CEP135: variants seen among roughly 807,000 people sequenced by gnomAD.
CEP135 encodes the protein centrosomal protein 135, also known as centrosomal protein of 135 kDa.
A neutral mutation model predicts 157.3 loss-of-function variants in CEP135; 142 were observed. The observed-to-expected ratio is 0.90, with a 90% CI of 0.79 to 1.04. The LOEUF is 1.04. CEP135 is among the 50% of genes least tolerant of loss of function. CEP135 has a pLI of 0.00. For synonymous variants in CEP135, 396 were observed against 439.8 expected (o/e 0.90, Z 1.25); for missense variants, 1,317 against 1,309.2 (o/e 1.01, Z -0.09).
intron 8 of CEP135, among the ~76,000 whole-genome samples, chr4:55,968,538 C>T (rs915813777): frequency 1.3e-5 from 2 of 152,160 alleles, no homozygotes; most frequent in Non-Finnish European, 2.9e-5. Context: ...TATCTCATCC[C>T]TCTCTTTTTC....
rs1730891066 is a variant in CEP135, at chr4:56,019,369, A to G, written c.3029A>G (p.Glu1010Gly). The change falls in exon 23 of 26, where the codon GAA (glutamate) becomes GGA (glycine). Residue 1010 changes from glutamate (E) to glycine (G), a missense_variant. Glu to Gly is a moderately conservative substitution (Grantham distance 98). Transcript: ENST00000257287. ...TTCACGTAGGTTGTGGTGGAATTAG[A>G]AAATGTAAAGTCAGAGTCAGACCTA... The part of the protein sequence containing the change: ...LEFERVVVEL[E>G]NVKSESDLLK... 6 of 1,610,978 alleles carry G rather than the reference A, an allele frequency of 3.7e-6. No homozygotes were observed. Among genetic ancestry groups the G allele is most frequent in the Non-Finnish European group, 5.1e-6 (6 of 1,179,198 alleles).
intron 25 of CEP135, among the ~76,000 whole-genome samples, chr4:56,027,013 C>T (rs1731178893): frequency 6.6e-6 from 1 of 152,176 alleles, no homozygotes; most frequent in Non-Finnish European, 1.5e-5. Context: ...CGTACTGATG[C>T]CCTCAAGTTT....
At chr4:55,974,643 A>G in intron 10 of CEP135, 103 bp from the exon 11 acceptor site, 1 of 818,524 alleles carries the variant, frequency 1.2e-6, no homozygotes. Context: ...ACAGTTCATG[A>G]TTTCTAGTAG....
At position 56,011,968 on chromosome 4, in the gene CEP135, G is replaced by C. The variant is rs1141987; in HGVS notation, c.2785G>C (p.Glu929Gln). 1 of 1,543,044 alleles carries C rather than the reference G, an allele frequency of 6.5e-7. No individual in the cohort carries two copies. Among genetic ancestry groups the C allele is most frequent in the Non-Finnish European group, 8.7e-7 (1 of 1,148,740 alleles). Residue 929 changes from glutamate (E) to glutamine (Q), a missense_variant, in exon 21 of 26, where the codon GAA becomes CAA. Transcript: ENST00000257287. ...RHLRERVELLEKEIQEHINAH... is the reference protein window; with the variant it reads ...RHLRERVELLQKEIQEHINAH... ...TCTTCGAGAAAGAGTGGAGCTATTA[G>C]AAAAAGAAATTCAAGAGGTAATATA... is the stretch of plus-strand genomic sequence containing the variant.
chr4:55,971,598 G>A (rs1436845875), intron 10 of CEP135, among the ~76,000 whole-genome samples, 190 bp downstream of exon 10: 2 of 152,072 alleles, frequency 1.3e-5, no homozygotes, highest in Non-Finnish European at 2.9e-5. Flanking sequence ...GAATTTTTAT[G>A]TTTTGGCTAG....
intron 21 of CEP135, among the ~76,000 whole-genome samples, chr4:56,015,845 G>A (rs544603101): frequency 6.6e-6 from 1 of 152,296 alleles, no homozygotes; most frequent in Admixed American, 6.5e-5. Context: ...TAGAATGTTA[G>A]GATGGAGTGA....
intron 1 of CEP135, among the ~76,000 whole-genome samples, chr4:55,951,273 C>T (rs1194096106): frequency 6.6e-6 from 1 of 152,082 alleles, no homozygotes; most frequent in East Asian, 1.9e-4. Context: ...AATAAAATCA[C>T]AGGGTTATAG....
At chr4:56,024,382 T>G in intron 24 of CEP135, 119 bp from the exon 25 acceptor site, 4 of 622,920 alleles carry the variant, frequency 6.4e-6, no homozygotes. Flanking sequence ...AGGATTTAAA[T>G]TTAATAGTAA....
At chr4:55,992,400 G>A (rs1026761135) in intron 15 of CEP135, among the ~76,000 whole-genome samples, 2 of 152,100 alleles carry the variant, frequency 1.3e-5, no homozygotes, top group African/African-American at 4.8e-5. Context: ...CAGATCATTT[G>A]TATTTCATAG....
chr4:55,966,782 C>A (rs1490224117), intron 8 of CEP135, among the ~76,000 whole-genome samples: 1 of 152,098 alleles, frequency 6.6e-6, no homozygotes, highest in African/African-American at 2.4e-5. Context: ...CCATGCCTGG[C>A]CACCAAGAAT....
At chr4:56,000,378 G>A (rs1171674847) in intron 17 of CEP135, among the ~76,000 whole-genome samples, 5 of 151,992 alleles carry the variant, frequency 3.3e-5, no homozygotes, top group Non-Finnish European at 7.4e-5. Flanking sequence ...GTTTTGAAAT[G>A]TGCGCTGGAT....
At chr4:55,979,579 A>G (rs1729331281) in intron 11 of CEP135, among the ~76,000 whole-genome samples, 1 of 152,192 alleles carries the variant, frequency 6.6e-6, no homozygotes. Context: ...GAAATGTGCT[A>G]GGCTGTTACA....
At chr4:55,970,599 T>C (rs529250291) in intron 9 of CEP135, among the ~76,000 whole-genome samples, 2 of 152,338 alleles carry the variant, frequency 1.3e-5, no homozygotes, top group African/African-American at 4.8e-5. Context: ...ATGTTGGATG[T>C]GATTCATAAT....
intron 14 of CEP135, among the ~76,000 whole-genome samples, chr4:55,990,865 A>C (rs1272345872): frequency 6.6e-6 from 1 of 152,178 alleles, no homozygotes; most frequent in Non-Finnish European, 1.5e-5. Flanking sequence ...CCTACTTCCC[A>C]AAAATGCTAT....
chr4:55,954,066 G>C, intron 3 of CEP135, 150 bp from the exon 4 acceptor site: 1 of 611,964 alleles, frequency 1.6e-6, no homozygotes, highest in Non-Finnish European at 2.7e-6. Context: ...GTTAATAATA[G>C]TAGAAGAAGG....
chr4:55,998,395 C>G (rs537539493), intron 15 of CEP135, among the ~76,000 whole-genome samples: 15 of 152,168 alleles, frequency 9.9e-5, no homozygotes, highest in Non-Finnish European at 1.8e-4. Context: ...TCCTACTGAT[C>G]AGTAACAGAT....
At chr4:55,949,941 C>T (rs373018070) in intron 1 of CEP135, among the ~76,000 whole-genome samples, 10 of 152,302 alleles carry the variant, frequency 6.6e-5, no homozygotes, top group African/African-American at 2.4e-4. Context: ...GGTATTATCT[C>T]TGGGTAACTG....
At chr4:55,954,935 G>A (rs1450962509) in intron 4 of CEP135, among the ~76,000 whole-genome samples, 1 of 152,156 alleles carries the variant, frequency 6.6e-6, no homozygotes, top group African/African-American at 2.4e-5. Context: ...ACAAAAATTA[G>A]CTGGGCATGG....
In CEP135 at chr4:56,017,632, C is replaced by A; in HGVS notation, c.2803-16C>A. 6.5e-7 allele frequency: 1 copy of A among 1,546,606 alleles called. No individual in the cohort carries two copies. Among genetic ancestry groups the A allele is most frequent in the Non-Finnish European group, 8.7e-7 (1 of 1,147,882 alleles). ...GGTTATTTTAACTTTTTACTTGTTT[C>A]TTTTTCTTTTTTCAGCACATAAATG... is the stretch of plus-strand genomic sequence containing the variant. On this transcript the variant is annotated splice_polypyrimidine_tract_variant and intron_variant, in intron 21 of 25. Coordinates refer to ENST00000257287, the MANE Select transcript of CEP135 (RefSeq NM_025009.5).
Sources: allele counts gnomAD v4.1 joint callset (sites outside exome capture counted in the v4.1 genomes callset), GRCh38; gene constraint gnomAD v4.1.1; transcripts MANE v1.5; gene names NCBI Gene and HGNC (gene_info 2026-07-23, HGNC 2026-07-21).